The following ARHGAP24 variants were observed in gnomAD, a reference collection of about 807,000 sequenced individuals.
ARHGAP24 encodes the protein Rho GTPase activating protein 24.
In ARHGAP24, 50 loss-of-function variants were observed where a neutral mutation model predicts 76.4. The ratio of observed to expected loss-of-function variants is 0.65; its 90% confidence interval spans 0.52 to 0.83. The LOEUF (loss-of-function observed/expected upper bound fraction) is 0.83. Among genes scored for constraint, ARHGAP24 ranks in the 40% least tolerant of loss-of-function variants. The pLI is 0.00. For missense variants in ARHGAP24, 930 were observed against 914.2 expected, an observed-to-expected ratio of 1.02 and a Z score of -0.22; for synonymous variants, 345 against 323.3, an observed-to-expected ratio of 1.07 and a Z score of -0.72.
At chr4:85,871,731 T>C (rs1043239009) in intron 3 of ARHGAP24, among the ~76,000 whole-genome samples, 3 of 152,164 alleles carry the variant, frequency 2.0e-5, no homozygotes, top group African/African-American at 7.2e-5. Flanking sequence ...AAGAGGCCCA[T>C]GCAACTGAGG....
At chr4:85,517,233 G>A (rs1724544870) in intron 1 of ARHGAP24, among the ~76,000 whole-genome samples, 1 of 152,128 alleles carries the variant, frequency 6.6e-6, no homozygotes, top group South Asian at 2.1e-4. Context: ...TTATATGTGA[G>A]TTAATAAAAC....
intron 3 of ARHGAP24, among the ~76,000 whole-genome samples, chr4:85,729,504 C>G (rs1725307866): frequency 6.6e-6 from 1 of 152,182 alleles, no homozygotes; most frequent in Non-Finnish European, 1.5e-5. Flanking sequence ...CATTTACGAA[C>G]TGATGGACAG....
At chr4:86,000,379 T>C in intron 9 of ARHGAP24, 100 bp from the exon 10 acceptor site, 1 of 934,004 alleles carries the variant, frequency 1.1e-6, no homozygotes, top group Non-Finnish European at 1.7e-6. Flanking sequence ...ATAAAGAGTT[T>C]AGAAAATATT....
chr4:85,805,022 C>A (rs10516761), intron 3 of ARHGAP24, among the ~76,000 whole-genome samples: 1 of 151,874 alleles, frequency 6.6e-6, no homozygotes, highest in Non-Finnish European at 1.5e-5. Context: ...CAGATACATG[C>A]GGACAAAACA....
At chr4:85,886,588 G>GT (rs1489833263) in intron 3 of ARHGAP24, among the ~76,000 whole-genome samples, 1 of 152,032 alleles carries the variant, frequency 6.6e-6, no homozygotes, top group East Asian at 1.9e-4. Flanking sequence ...GTCATTTAGT[G>GT]TTTATTTTCT....
chr4:86,000,080 C>CT (rs35831725), intron 9 of ARHGAP24: 5,328 of 143,430 alleles, frequency 0.037, 233 homozygotes, highest in African/African-American at 0.092. Context: ...TTATTGCCCT[C>CT]TTTTTTTTTT....
chr4:85,994,791 T>C lies in ARHGAP24; in HGVS notation c.1137T>C (p.Ser379=). The change falls in exon 9 of 10, where the codon TCT becomes TCC. Residue 379 remains serine, a synonymous_variant. Transcript: ENST00000395184. ...SPSRQCSWDK[S]ESPQRSSMNN... ...GTAGGCAGTGCTCCTGGGACAAGTC[T>C]GAGTCACCCCAGAGAAGCAGCATGA... is the stretch of plus-strand genomic sequence containing the variant. The C allele has an allele frequency of 6.2e-7, 1 of 1,614,080 alleles. No homozygotes were observed. Among genetic ancestry groups the C allele is most frequent in the Non-Finnish European group, 8.5e-7 (1 of 1,180,018 alleles).
At chr4:85,569,536 T>C (rs1345917694) in intron 1 of ARHGAP24, among the ~76,000 whole-genome samples, 1 of 152,204 alleles carries the variant, frequency 6.6e-6, no homozygotes, top group Admixed American at 6.5e-5. Context: ...TTCTTGCTTA[T>C]GTATAGGTAG....
intron 5 of ARHGAP24, among the ~76,000 whole-genome samples, chr4:85,964,862 CGT>C (rs372675388): frequency 1.7e-4 from 25 of 149,988 alleles, no homozygotes; most frequent in Admixed American, 2.0e-4. Flanking sequence ...TTTGTGTATA[CGT>C]GTGTGTGTGT....
intron 3 of ARHGAP24, among the ~76,000 whole-genome samples, chr4:85,770,205 C>A (rs1468847431): frequency 6.6e-6 from 1 of 152,196 alleles, no homozygotes; most frequent in Non-Finnish European, 1.5e-5. Context: ...AATGTGGATT[C>A]ACTCTTATTG....
Position 85,689,648 on chromosome 4 carries a change from C to G in ARHGAP24, c.181-32237C>G, listed in dbSNP as rs141240436. Among the ~76,000 whole-genome samples, 508 of 152,258 alleles carry G rather than the reference C, an allele frequency of 3.3e-3. 6 individuals carry two copies. Among genetic ancestry groups the G allele is most frequent in the African/African-American group, 0.012 (491 of 41,548 alleles). On this transcript the variant is annotated intron_variant, in intron 2 of 9. Coordinates refer to ENST00000395184, the MANE Select transcript of ARHGAP24 (RefSeq NM_001025616.3). ...AAGTGATCTGCCCTCCTCAGCCTCC[C>G]AAAGTGCCAGGATTACAGACGTGAG...
In ARHGAP24 at chr4:85,994,866, G is replaced by C; in HGVS notation, c.1212G>C (p.Lys404Asn). ...ALSGSKTNSP[K>N]NSVHKLDVSR... ...CAGGCAGCAAAACCAACAGCCCAAAGAACAGTGTTCACAAGCTAGATGTGT... is the reference window on the plus strand; with the variant it reads ...CAGGCAGCAAAACCAACAGCCCAAACAACAGTGTTCACAAGCTAGATGTGT... The change falls in exon 9 of 10, where the codon AAG (lysine) becomes AAC (asparagine). Residue 404 changes from lysine (K) to asparagine (N), a missense_variant. By Grantham distance (94) the Lys-to-Asn change is moderately conservative (BLOSUM62 0). Coordinates refer to ENST00000395184, the MANE Select transcript of ARHGAP24 (RefSeq NM_001025616.3). 1 of 1,614,110 alleles carries C rather than the reference G, an allele frequency of 6.2e-7. No homozygotes were observed. The highest frequency in any genetic ancestry group is 8.5e-7 in the Non-Finnish European group (1 of 1,180,014).
At chr4:85,602,046 GT>G (rs11351530) in intron 2 of ARHGAP24, among the ~76,000 whole-genome samples, 140,975 of 152,058 alleles carry the variant, frequency 0.93, 65,385 homozygotes, top group East Asian at 0.98. Flanking sequence ...AAGGCCCAGT[GT>G]TTTTTCTAAG....
Position 85,916,962 on chromosome 4 carries a change from G to A in ARHGAP24, c.269-6686G>A, listed in dbSNP as rs1323127920. Among the ~76,000 whole-genome samples the A allele has an allele frequency of 5.9e-5, 9 of 152,104 alleles. No individual in the cohort carries two copies. In the East Asian group the frequency reaches 1.7e-3, roughly 29 times the overall value. ...GTTTTAGGGTACATGTGCACGATGT[G>A]CAGGTTAGTTACATATGTATACATG... is the stretch of plus-strand genomic sequence containing the variant. On this transcript the variant is annotated intron_variant, in intron 3 of 9. Transcript: ENST00000395184.
At chr4:85,513,804 G>C (rs1419768422) in intron 1 of ARHGAP24, among the ~76,000 whole-genome samples, 1 of 152,062 alleles carries the variant, frequency 6.6e-6, no homozygotes, top group Non-Finnish European at 1.5e-5. Flanking sequence ...TTTCCCTTGT[G>C]ATGAATTCTC....
In ARHGAP24 at chr4:85,519,883, T is replaced by C. The variant is rs551449940; in HGVS notation, c.-21+44324T>C. On this transcript the variant is annotated intron_variant, in intron 1 of 9. Coordinates refer to ENST00000395184, the MANE Select transcript of ARHGAP24 (RefSeq NM_001025616.3). The stretch of plus-strand genomic sequence containing the variant: ...CTTCAAGGCTGTCCCGACTGTGGTG[T>C]GGATGTCTCCTGTTTCCTTACATCA... 3.9e-5 allele frequency among the ~76,000 whole-genome samples: 6 copies of C among 152,260 alleles called. No individual in the cohort carries two copies. In the South Asian group the frequency reaches 1.2e-3, roughly 32 times the overall value.
intron 3 of ARHGAP24, among the ~76,000 whole-genome samples, chr4:85,880,650 T>C (rs1013677542): frequency 1.3e-5 from 2 of 152,086 alleles, no homozygotes; most frequent in African/African-American, 2.4e-5. Context: ...TGCCTCAGCC[T>C]CCGGAGTAGC....
intron 5 of ARHGAP24, among the ~76,000 whole-genome samples, chr4:85,955,405 G>T (rs1461865380): frequency 6.6e-6 from 1 of 152,098 alleles, no homozygotes; most frequent in African/African-American, 2.4e-5. Flanking sequence ...AACAAAAACT[G>T]TAACTTATTA....
chr4:85,780,158 C>CAGTTTAT (rs1727478215), intron 3 of ARHGAP24, among the ~76,000 whole-genome samples: 1 of 40,716 alleles, frequency 2.5e-5, no homozygotes. Flanking sequence ...CACATAATCA[C>CAGTTTAT]TGTTTATTTT....
Sources: allele counts gnomAD v4.1 joint callset (sites outside exome capture counted in the v4.1 genomes callset), GRCh38; gene constraint gnomAD v4.1.1; transcripts MANE v1.5; gene names NCBI Gene and HGNC (gene_info 2026-07-23, HGNC 2026-07-21).